PPP1R9A: variants seen among roughly 807,000 people sequenced by gnomAD.
PPP1R9A encodes the protein protein phosphatase 1 regulatory subunit 9A.
In PPP1R9A, 59 loss-of-function variants were observed where a neutral mutation model predicts 141.9. The observed-to-expected ratio is 0.42, with a 90% confidence interval of 0.34 to 0.52. PPP1R9A has a LOEUF of 0.52. Ranked by LOEUF, PPP1R9A falls within the 20% of genes least tolerant of loss-of-function variation. The pLI is 0.10. For synonymous variants in PPP1R9A, 500 were observed against 569.7 expected (o/e 0.88, Z 1.74); for missense variants, 1,444 against 1,611.9 (o/e 0.90, Z 1.78).
chr7:95,065,651 C>T (rs1325602413), intron 2 of PPP1R9A, among the ~76,000 whole-genome samples: 1 of 152,154 alleles, frequency 6.6e-6, no homozygotes, highest in Non-Finnish European at 1.5e-5. Context: ...CAAGAAACAT[C>T]CATCTTCTGC....
intron 16 of PPP1R9A, among the ~76,000 whole-genome samples, chr7:95,280,825 G>A (rs1804066099): frequency 6.6e-6 from 1 of 152,122 alleles, no homozygotes; most frequent in Admixed American, 6.6e-5. Flanking sequence ...GAAGGAACGA[G>A]GAGGAGAAGA....
chr7:94,922,350 C>G (rs1300299768), intron 2 of PPP1R9A, among the ~76,000 whole-genome samples: 1 of 151,822 alleles, frequency 6.6e-6, no homozygotes, highest in Admixed American at 6.6e-5. Flanking sequence ...GTTATAATTT[C>G]TACTTGATAT....
chr7:95,113,040 A>G (rs1048905819), intron 3 of PPP1R9A, among the ~76,000 whole-genome samples: 8 of 152,184 alleles, frequency 5.3e-5, no homozygotes, highest in Non-Finnish European at 1.2e-4. Context: ...ATATATCCAT[A>G]TAGCACACCT....
intron 5 of PPP1R9A, among the ~76,000 whole-genome samples, chr7:95,164,087 A>C (rs79194227): frequency 0.011 from 1,665 of 152,280 alleles, 11 homozygotes; most frequent in Admixed American, 0.018. Flanking sequence ...GGTAAATACC[A>C]AGCATGGAGC....
intron 5 of PPP1R9A, among the ~76,000 whole-genome samples, chr7:95,197,076 C>A (rs1836396914): frequency 6.6e-6 from 1 of 151,878 alleles, no homozygotes; most frequent in Admixed American, 6.6e-5. Context: ...TACTAACATC[C>A]AAGTGTGAAA....
chr7:95,263,807 A>G (rs1464861967), intron 12 of PPP1R9A, among the ~76,000 whole-genome samples: 2 of 152,186 alleles, frequency 1.3e-5, no homozygotes, highest in Non-Finnish European at 2.9e-5. Flanking sequence ...AAATGAGTGT[A>G]CATGTTATTC....
In PPP1R9A at chr7:95,294,501, G is replaced by C. The variant is rs949689921; in HGVS notation, c.*4198G>C. 6.6e-6 allele frequency: 1 copy of C among 152,022 alleles called. No individual in the cohort carries two copies. Among genetic ancestry groups the C allele is most frequent in the African/African-American group, 2.4e-5 (1 of 41,374 alleles). 9.4% of individuals were successfully genotyped at this position (152,022 alleles called of 1,614,324 possible). A position where few individuals can be genotyped will look rare whatever the true frequency, so the allele number is the denominator to read the frequency against. Reference sequence around the variant, plus strand: ...GGGGATGGGGAGCTGGGGGAGGGCTGTACATTCCCAAAAGAAAGTAGTGTT... The same window carrying C: ...GGGGATGGGGAGCTGGGGGAGGGCTCTACATTCCCAAAAGAAAGTAGTGTT... On this transcript the variant is annotated 3_prime_UTR_variant, in exon 20 of 20. Coordinates refer to ENST00000433360, the MANE Select transcript of PPP1R9A (RefSeq NM_001166160.2).
intron 2 of PPP1R9A, among the ~76,000 whole-genome samples, chr7:94,945,963 C>G (rs1369510793): frequency 6.6e-6 from 1 of 151,666 alleles, no homozygotes; most frequent in Non-Finnish European, 1.5e-5. Context: ...ATAAGAGATT[C>G]CAAAAAAGTT....
chr7:95,014,566 T>C (rs959990399), intron 2 of PPP1R9A, among the ~76,000 whole-genome samples: 9 of 152,048 alleles, frequency 5.9e-5, no homozygotes, highest in African/African-American at 2.2e-4. Flanking sequence ...TGCCAGTTTG[T>C]CCCCTATGAA....
At chr7:95,086,422 A>C (rs925747964) in intron 2 of PPP1R9A, among the ~76,000 whole-genome samples, 1 of 152,050 alleles carries the variant, frequency 6.6e-6, no homozygotes, top group Non-Finnish European at 1.5e-5. Context: ...TTTTGACACA[A>C]ATATAAATAA....
chr7:95,181,689 CAT>C (rs1171797960), intron 5 of PPP1R9A, among the ~76,000 whole-genome samples: 3 of 126,932 alleles, frequency 2.4e-5, no homozygotes, highest in Admixed American at 8.8e-5. Context: ...TATTCCGTCA[CAT>C]ATATATAGAA....
chr7:95,085,477 C>T (rs557293834), intron 2 of PPP1R9A, among the ~76,000 whole-genome samples: 10 of 147,924 alleles, frequency 6.8e-5, no homozygotes, highest in South Asian at 2.1e-4. Flanking sequence ...TACAGTGGCA[C>T]GATCTCGGCT....
In PPP1R9A at chr7:94,952,968, C is replaced by T. The variant is rs147925761; in HGVS notation, c.1395+41460C>T. ...CAGAAGCTCTTTAGTTTAACTGGAG[C>T]CCATTTGTCAATTTTGGCTTTTGTT... On this transcript the variant is annotated intron_variant, in intron 2 of 19. Coordinates refer to ENST00000433360, the MANE Select transcript of PPP1R9A (RefSeq NM_001166160.2). 2.6e-5 allele frequency among the ~76,000 whole-genome samples: 4 copies of T among 152,232 alleles called. No individual in the cohort carries two copies. The East Asian group carries it at 7.7e-4, about 29-fold the overall frequency.
intron 4 of PPP1R9A, chr7:95,155,177 CTTTTTTTCTTTTTTTTT>C (rs1351886398): frequency 8.0e-6 from 1 of 125,166 alleles, no homozygotes; most frequent in Non-Finnish European, 1.6e-5. Flanking sequence ...CCTTTTTTTT[CTTTTTTTCTTTTTTTTT>C]TTTTTTTTTT....
chr7:94,936,445 C>T (rs1476547866), intron 2 of PPP1R9A, among the ~76,000 whole-genome samples: 11 of 152,142 alleles, frequency 7.2e-5, no homozygotes, highest in Non-Finnish European at 1.5e-5. Flanking sequence ...GGATAAAGGA[C>T]ATCTCTGTTT....
At chr7:94,923,474 A>G (rs1347818243) in intron 2 of PPP1R9A, among the ~76,000 whole-genome samples, 1 of 152,152 alleles carries the variant, frequency 6.6e-6, no homozygotes, top group African/African-American at 2.4e-5. Flanking sequence ...TATCTTGCTT[A>G]TATATAATCC....
At chr7:94,943,471 G>T (rs1795557658) in intron 2 of PPP1R9A, among the ~76,000 whole-genome samples, 1 of 152,150 alleles carries the variant, frequency 6.6e-6, no homozygotes, top group African/African-American at 2.4e-5. Flanking sequence ...AGGTTCTTAG[G>T]CAATAAAATG....
chr7:95,159,774 AC>A (rs1457659094), intron 4 of PPP1R9A, among the ~76,000 whole-genome samples: 3 of 151,646 alleles, frequency 2.0e-5, no homozygotes, highest in African/African-American at 7.3e-5. Flanking sequence ...ATACAAAAAA[AC>A]ATTAGCCGGG....
chr7:95,026,552 G>C (rs1176917565), intron 2 of PPP1R9A, among the ~76,000 whole-genome samples: 1 of 152,192 alleles, frequency 6.6e-6, no homozygotes, highest in Non-Finnish European at 1.5e-5. Context: ...GGAGACACAG[G>C]TGTCAGCGAC....
Sources: gnomAD v4.1 joint callset for allele counts (sites outside exome capture counted in the v4.1 genomes callset) on GRCh38, gnomAD v4.1.1 for gene constraint, MANE v1.5 for transcripts, NCBI Gene and HGNC (gene_info 2026-07-23, HGNC 2026-07-21) for gene names.